HDX: variants seen among roughly 807,000 people sequenced by gnomAD.
HDX encodes the protein highly divergent homeobox.
In HDX, 19 loss-of-function variants were observed where a neutral mutation model predicts 45.2. The observed-to-expected ratio is 0.42, with a 90% CI of 0.29 to 0.62. HDX has a LOEUF of 0.62. Ranked by LOEUF, HDX falls within the 20% of genes least tolerant of loss-of-function variation. HDX has a pLI of 0.20. For missense variants in HDX, 532 were observed against 493.9 expected (o/e 1.08, Z -0.73); for synonymous variants, 188 against 172.8 (o/e 1.09, Z -0.69).
At chrX:84,479,418 A>T (rs1248382862) in intron 2 of HDX, among the ~76,000 whole-genome samples, 1 of 111,862 alleles carries the variant, frequency 8.9e-6, no homozygotes, top group Non-Finnish European at 1.9e-5. Context: ...GTAAAGTCGT[A>T]TTTTATTGTA....
intron 8 of HDX, among the ~76,000 whole-genome samples, chrX:84,336,147 G>C (rs1402540678): frequency 9.0e-6 from 1 of 111,009 alleles, no homozygotes; most frequent in African/African-American, 3.3e-5. Flanking sequence ...TTACTTGATA[G>C]GGCAGAATAT....
At chrX:84,399,432 A>G (rs987751349) in intron 5 of HDX, among the ~76,000 whole-genome samples, 2 of 111,585 alleles carry the variant, frequency 1.8e-5, no homozygotes, top group African/African-American at 3.3e-5. Context: ...AATATTATAA[A>G]TACCTCTACA....
intron 3 of HDX, among the ~76,000 whole-genome samples, chrX:84,470,280 C>T (rs914714381): frequency 9.0e-6 from 1 of 111,349 alleles, no homozygotes; most frequent in Non-Finnish European, 1.9e-5. Flanking sequence ...GTATGAGTTC[C>T]GGTTTCCTCA....
chrX:84,365,778 G>C (rs1165247618), intron 5 of HDX, among the ~76,000 whole-genome samples: 2 of 111,817 alleles, frequency 1.8e-5, no homozygotes, highest in African/African-American at 6.5e-5. Flanking sequence ...TGTCATTAGT[G>C]AGCCAAAGAG....
intron 6 of HDX, among the ~76,000 whole-genome samples, chrX:84,355,368 G>A (rs999700033): frequency 4.5e-5 from 5 of 110,671 alleles, no homozygotes; most frequent in East Asian, 2.9e-4. Flanking sequence ...AATTGTCCTC[G>A]AGGACTTAAC....
chrX:84,475,539 A>C (rs764874682), intron 2 of HDX, 142 bp from the exon 3 acceptor site: 5 of 407,423 alleles, frequency 1.2e-5, no homozygotes, highest in African/African-American at 2.6e-5. Flanking sequence ...AGTGGGCAAT[A>C]ATTTGTGTGC....
intron 2 of HDX, among the ~76,000 whole-genome samples, chrX:84,478,977 G>A (rs2148164772): frequency 8.9e-6 from 1 of 112,121 alleles, no homozygotes; most frequent in Non-Finnish European, 1.9e-5. Flanking sequence ...TGATGTTTTT[G>A]TTTACAAAGT....
chrX:84,330,753 TCTC>T (rs1394445895), intron 9 of HDX, among the ~76,000 whole-genome samples: 2 of 111,940 alleles, frequency 1.8e-5, no homozygotes, highest in African/African-American at 3.2e-5. Flanking sequence ...TGCAAATATT[TCTC>T]CTCCTCAGTA....
intron 2 of HDX, among the ~76,000 whole-genome samples, chrX:84,482,538 A>G (rs2040707774): frequency 9.0e-6 from 1 of 111,434 alleles, no homozygotes; most frequent in Non-Finnish European, 1.9e-5. Flanking sequence ...ATGAGAACTT[A>G]CTCATTATCA....
At chrX:84,478,703 A>T (rs2148164051) in intron 2 of HDX, among the ~76,000 whole-genome samples, 1 of 108,309 alleles carries the variant, frequency 9.2e-6, no homozygotes, top group South Asian at 3.9e-4. Flanking sequence ...TTTTTTTTTA[A>T]TTTTAATTAG....
At chrX:84,368,183 A>T (rs933372550) in intron 5 of HDX, among the ~76,000 whole-genome samples, 1 of 111,422 alleles carries the variant, frequency 9.0e-6, no homozygotes, top group African/African-American at 3.3e-5. Flanking sequence ...ATCATTTTAT[A>T]TGCTTATTGA....
At chrX:84,484,738 A>T (rs925862140) in intron 2 of HDX, among the ~76,000 whole-genome samples, 2 of 111,775 alleles carry the variant, frequency 1.8e-5, no homozygotes, top group Non-Finnish European at 3.8e-5. Flanking sequence ...GTGAAATGGT[A>T]TCTCATTGTG....
intron 6 of HDX, among the ~76,000 whole-genome samples, chrX:84,349,819 G>A (rs1446056756): frequency 9.2e-6 from 1 of 108,689 alleles, no homozygotes; most frequent in African/African-American, 3.4e-5. Context: ...CAAACAGAAA[G>A]TCAAATAACA....
intron 1 of HDX, among the ~76,000 whole-genome samples, chrX:84,494,474 C>T (rs1049682604): frequency 8.9e-6 from 1 of 111,802 alleles, no homozygotes; most frequent in African/African-American, 3.2e-5. Flanking sequence ...AAGAGATAGA[C>T]TATTTAATTA....
intron 3 of HDX, among the ~76,000 whole-genome samples, 187 bp from the exon 4 acceptor site, chrX:84,469,762 C>A (rs1301251605): frequency 8.9e-6 from 1 of 111,913 alleles, no homozygotes; most frequent in Admixed American, 9.5e-5. Context: ...GGGACTCACA[C>A]TTAATAAATA....
At chrX:84,495,114 G>T (rs913972039) in intron 1 of HDX, among the ~76,000 whole-genome samples, 1 of 109,373 alleles carries the variant, frequency 9.1e-6, no homozygotes, top group African/African-American at 3.3e-5. Context: ...AATACTGCGC[G>T]ATCTCACATA....
intron 4 of HDX, among the ~76,000 whole-genome samples, chrX:84,457,715 T>C (rs911089256): frequency 1.6e-4 from 18 of 111,821 alleles, no homozygotes; most frequent in African/African-American, 5.5e-4. Context: ...TGAAAAATCA[T>C]AAATTATGTT....
At chrX:84,450,261 C>T (rs1569349956) in intron 4 of HDX, among the ~76,000 whole-genome samples, 1 of 110,212 alleles carries the variant, frequency 9.1e-6, no homozygotes, top group East Asian at 2.9e-4. Flanking sequence ...TGGACAACAA[C>T]AAAAAAAACC....
At chrX:84,378,135 T>G (rs1385365587) in intron 5 of HDX, among the ~76,000 whole-genome samples, 2 of 111,927 alleles carry the variant, frequency 1.8e-5, no homozygotes, top group African/African-American at 6.5e-5. Context: ...AAATCACTTT[T>G]GACCTAGCAT....
Sources: allele counts gnomAD v4.1 joint callset (sites outside exome capture counted in the v4.1 genomes callset), GRCh38; gene constraint gnomAD v4.1.1; transcripts MANE v1.5; gene names NCBI Gene and HGNC (gene_info 2026-07-23, HGNC 2026-07-21).